Variants in ARHGAP24 observed in about 807,000 individuals in gnomAD.
The protein encoded by ARHGAP24 is rho GTPase-activating protein 24.
A neutral mutation model predicts 76.4 loss-of-function variants in ARHGAP24; 50 were observed. The observed-to-expected ratio is 0.65, with a 90% CI of 0.52 to 0.83. The LOEUF (loss-of-function observed/expected upper bound fraction) is 0.83, where lower values mean the gene tolerates loss of function less well. Ranked by LOEUF, ARHGAP24 falls within the 40% of genes least tolerant of loss-of-function variation. ARHGAP24 has a pLI of 0.00. For missense variants in ARHGAP24, 930 were observed against 914.2 expected, an observed-to-expected ratio of 1.02 and a Z score of -0.22; for synonymous variants, 345 against 323.3, an observed-to-expected ratio of 1.07 and a Z score of -0.72.
intron 1 of ARHGAP24, among the ~76,000 whole-genome samples, chr4:85,557,506 T>G (rs984257388): frequency 2.6e-5 from 4 of 152,182 alleles, no homozygotes; most frequent in Non-Finnish European, 5.9e-5. Context: ...ACTTACTCAC[T>G]GTTTCCCCAG....
intron 2 of ARHGAP24, among the ~76,000 whole-genome samples, chr4:85,622,779 G>A (rs1444813469): frequency 1.3e-5 from 2 of 152,078 alleles, no homozygotes; most frequent in Non-Finnish European, 2.9e-5. Flanking sequence ...ACTTTTTAAT[G>A]ATCGCCATTC....
rs139245621 is a variant in ARHGAP24, at chr4:85,816,720, A to G, written c.268+94748A>G. On this transcript the variant is annotated intron_variant, in intron 3 of 9. Transcript: ENST00000395184. The stretch of plus-strand genomic sequence containing the variant: ...CTTGGCTATTGTAAATAATGCTGCA[A>G]TAAACATGGGAGTGCACATATCCAT... Among the ~76,000 whole-genome samples, 1,440 of 152,318 alleles carry G rather than the reference A, an allele frequency of 9.5e-3. 26 individuals are homozygous for G. Among genetic ancestry groups the G allele is most frequent in the African/African-American group, 0.032 (1,348 of 41,584 alleles).
chr4:85,652,798 C>T (rs1270723464), intron 2 of ARHGAP24, among the ~76,000 whole-genome samples: 1 of 152,106 alleles, frequency 6.6e-6, no homozygotes, highest in Non-Finnish European at 1.5e-5. Flanking sequence ...GCAATTGTTA[C>T]ACTAGCAGCC....
At chr4:85,839,910 C>T (rs562890317) in intron 3 of ARHGAP24, among the ~76,000 whole-genome samples, 6 of 128,418 alleles carry the variant, frequency 4.7e-5, no homozygotes, top group East Asian at 2.5e-4. Flanking sequence ...AGTGCAGTGG[C>T]GCAACCTTGG....
At chr4:85,913,912 G>A (rs546272035) in intron 3 of ARHGAP24, among the ~76,000 whole-genome samples, 17 of 152,272 alleles carry the variant, frequency 1.1e-4, no homozygotes, top group African/African-American at 2.6e-4. Context: ...AAAGTGGCAC[G>A]TCTCTCTGAA....
intron 2 of ARHGAP24, among the ~76,000 whole-genome samples, chr4:85,655,786 T>G (rs1326072682): frequency 0.057 from 1,859 of 32,334 alleles, 40 homozygotes; most frequent in African/African-American, 0.081. Context: ...TATATATATA[T>G]ATATATAGAG....
intron 1 of ARHGAP24, among the ~76,000 whole-genome samples, chr4:85,555,737 C>G (rs1000975348): frequency 1.3e-5 from 2 of 152,158 alleles, no homozygotes; most frequent in African/African-American, 4.8e-5. Context: ...TTTCACTTGT[C>G]TCTCAGGTTT....
At chr4:85,755,866 C>G (rs1726471408) in intron 3 of ARHGAP24, among the ~76,000 whole-genome samples, 1 of 152,046 alleles carries the variant, frequency 6.6e-6, no homozygotes, top group Non-Finnish European at 1.5e-5. Flanking sequence ...CTCCTGACTT[C>G]AGGTGATCTG....
chr4:85,561,306 A>G (rs574847319), intron 1 of ARHGAP24, among the ~76,000 whole-genome samples: 4 of 152,342 alleles, frequency 2.6e-5, no homozygotes, highest in Non-Finnish European at 5.9e-5. Context: ...AGCTACTTTA[A>G]GAAATCCAAT....
At chr4:85,739,091 C>T in intron 3 of ARHGAP24, among the ~76,000 whole-genome samples, 1 of 152,074 alleles carries the variant, frequency 6.6e-6, no homozygotes, top group East Asian at 1.9e-4. Context: ...ACACCTGACT[C>T]CTCTGTTGAC....
Position 85,570,382 on chromosome 4 carries a change from C to T in ARHGAP24, c.-20-140C>T, listed in dbSNP as rs1403896491. 3.8e-3 allele frequency: 62 copies of T among 16,526 alleles called. 1 individual carries two copies. Among genetic ancestry groups the T allele is most frequent in the South Asian group, 6.9e-3 (12 of 1,736 alleles). 1.0% of individuals were successfully genotyped at this position (16,526 alleles called of 1,614,324 possible). ...TTTCTTTCTCTTTCTTTCTTTCTTT[C>T]TTTCTTTCTTTCTTTCTTTCTTTCT... On this transcript the variant is annotated intron_variant, in intron 1 of 9. Transcript: ENST00000395184.
chr4:85,477,061 C>G (rs1444408379), intron 1 of ARHGAP24, among the ~76,000 whole-genome samples: 4 of 151,972 alleles, frequency 2.6e-5, no homozygotes, highest in African/African-American at 9.7e-5. Flanking sequence ...TAAATAACAT[C>G]CTACCATTCA....
chr4:85,609,480 C>T (rs9307006), intron 2 of ARHGAP24, among the ~76,000 whole-genome samples: 9,927 of 152,182 alleles, frequency 0.065, 1,083 homozygotes, highest in African/African-American at 0.23. Context: ...TGAGTAATTA[C>T]TGATTTTTAA....
At chr4:85,800,402 C>G (rs1728527149) in intron 3 of ARHGAP24, among the ~76,000 whole-genome samples, 1 of 152,028 alleles carries the variant, frequency 6.6e-6, no homozygotes, top group Admixed American at 6.6e-5. Flanking sequence ...TAGAGCAAAG[C>G]AGAAAATAGG....
At chr4:85,682,712 G>A (rs1359293036) in intron 2 of ARHGAP24, among the ~76,000 whole-genome samples, 1 of 152,160 alleles carries the variant, frequency 6.6e-6, no homozygotes, top group Non-Finnish European at 1.5e-5. Flanking sequence ...TGCTTGCAAA[G>A]CATATTGCAA....
chr4:85,996,761 G>A (rs1740685059), intron 9 of ARHGAP24, among the ~76,000 whole-genome samples: 2 of 152,048 alleles, frequency 1.3e-5, no homozygotes, highest in South Asian at 4.1e-4. Context: ...TATCTTAAAA[G>A]GTTACTCTTC....
intron 2 of ARHGAP24, among the ~76,000 whole-genome samples, chr4:85,584,086 T>C (rs1727738907): frequency 6.7e-6 from 1 of 150,304 alleles, no homozygotes; most frequent in African/African-American, 2.5e-5. Context: ...GCCATCCCAT[T>C]ACTGGGTATA....
At chr4:85,828,813 T>C (rs541694490) in intron 3 of ARHGAP24, among the ~76,000 whole-genome samples, 2 of 152,134 alleles carry the variant, frequency 1.3e-5, no homozygotes, top group East Asian at 1.9e-4. Context: ...AGTGAACCCA[T>C]AAACTATAAA....
chr4:85,566,375 A>G (rs1726845740), intron 1 of ARHGAP24, among the ~76,000 whole-genome samples: 1 of 152,176 alleles, frequency 6.6e-6, no homozygotes, highest in Non-Finnish European at 1.5e-5. Flanking sequence ...TGCCAAGACT[A>G]AAAAGTATAA....
Sources: allele counts gnomAD v4.1 joint callset (sites outside exome capture counted in the v4.1 genomes callset), GRCh38; gene constraint gnomAD v4.1.1; transcripts MANE v1.5; gene names NCBI Gene and HGNC (gene_info 2026-07-23, HGNC 2026-07-21).